FGF14: variants seen among roughly 807,000 people sequenced by gnomAD.
FGF14 encodes the protein fibroblast growth factor homologous factor 4.
In FGF14, 5 loss-of-function variants were observed where a neutral mutation model predicts 25.5. The ratio of observed to expected loss-of-function variants is 0.20; its 90% confidence interval spans 0.10 to 0.41. The LOEUF is 0.41. FGF14 is among the 10% of genes least tolerant of loss of function. The pLI, the probability that FGF14 is intolerant of heterozygous loss-of-function variation, is 1.00. For missense variants in FGF14, 222 were observed against 320.1 expected (o/e 0.69, Z 2.34); for synonymous variants, 138 against 118.3 (o/e 1.17, Z -1.08).
intron 3 of FGF14, among the ~76,000 whole-genome samples, chr13:101,821,090 A>G (rs1450135142): frequency 6.7e-6 from 1 of 148,780 alleles, no homozygotes; most frequent in Non-Finnish European, 1.5e-5. Context: ...CTGGGAGTAC[A>G]GGCGCCCGCT....
chr13:101,990,920 G>A (rs537775729), intron 1 of FGF14, among the ~76,000 whole-genome samples: 2 of 152,172 alleles, frequency 1.3e-5, no homozygotes, highest in South Asian at 4.1e-4. Context: ...GGTAATTTAA[G>A]TAAAATCGAC....
intron 1 of FGF14, among the ~76,000 whole-genome samples, chr13:102,006,823 C>T (rs1051245823): frequency 2.2e-5 from 3 of 138,772 alleles, no homozygotes; most frequent in African/African-American, 5.4e-5. Flanking sequence ...CGGCTCACTG[C>T]AAGCTCCGCT....
At chr13:102,149,517 T>A (rs2046991138) in intron 1 of FGF14, among the ~76,000 whole-genome samples, 1 of 152,286 alleles carries the variant, frequency 6.6e-6, no homozygotes, top group East Asian at 1.9e-4. Flanking sequence ...TCCGACCTGA[T>A]ATACACAGAG....
intron 3 of FGF14, among the ~76,000 whole-genome samples, chr13:101,738,311 T>C (rs1431357868): frequency 1.3e-5 from 2 of 152,150 alleles, no homozygotes; most frequent in African/African-American, 4.8e-5. Context: ...TTTAATTTTT[T>C]CCCCAGGGCA....
intron 1 of FGF14, among the ~76,000 whole-genome samples, chr13:102,115,791 C>T (rs963199746): frequency 4.4e-4 from 63 of 142,066 alleles, no homozygotes; most frequent in African/African-American, 1.4e-3. Flanking sequence ...CACGATTTAC[C>T]CATGTAACAA....
chr13:102,161,635 AAGAAGAAGAAGAAGAAG>A (rs2047716801), intron 1 of FGF14, among the ~76,000 whole-genome samples: 6 of 11,402 alleles, frequency 5.3e-4, no homozygotes, highest in Non-Finnish European at 7.6e-4. Context: ...GAAGAAGAAG[AAGAAGAAGAAGAAGAAG>A]AAGAAGAAGA....
At chr13:101,830,091 T>G (rs1017214968) in intron 3 of FGF14, among the ~76,000 whole-genome samples, 1 of 152,072 alleles carries the variant, frequency 6.6e-6, no homozygotes, top group African/African-American at 2.4e-5. Flanking sequence ...ATGTAAAATG[T>G]ATGTAACAGG....
In FGF14 at chr13:101,711,684, G is replaced by A. The variant is rs2034473460; in HGVS notation, c.*11147C>T. The A allele has an allele frequency of 6.6e-6, 1 of 152,104 alleles. No individual in the cohort carries two copies. Among genetic ancestry groups the A allele is most frequent in the Non-Finnish European group, 1.5e-5 (1 of 68,024 alleles). The allele number at this position is 152,104 out of a possible 1,614,324, so 9.4% of individuals were successfully genotyped here. A position where few individuals can be genotyped will look rare whatever the true frequency, so the allele number is the denominator to read the frequency against. ...TCTCTCTTCCATTCTCATCTTTGAA[G>A]GTAAAATTTCATTTCTTTCCCCTTC... On this transcript the variant is annotated 3_prime_UTR_variant, in exon 5 of 5. Coordinates refer to ENST00000376143, the MANE Select transcript of FGF14 (RefSeq NM_004115.4).
intron 1 of FGF14, among the ~76,000 whole-genome samples, chr13:102,401,122 T>C (rs1289747746): frequency 6.6e-6 from 1 of 151,960 alleles, no homozygotes; most frequent in African/African-American, 2.4e-5. Context: ...TTCTTTTTCC[T>C]GGCAACTACC....
Position 102,238,944 on chromosome 13 carries a change from C to T in FGF14, c.208+162527G>A, listed in dbSNP as rs535359402. 1.5e-3 allele frequency among the ~76,000 whole-genome samples: 223 copies of T among 152,224 alleles called. 1 individual carries two copies. Among genetic ancestry groups the T allele is most frequent in the African/African-American group, 5.0e-3 (209 of 41,520 alleles). ...AAGAATAGCAGGACTGAATACAGTT[C>T]TGTACACCTATGACCTATGTTGCCT... On this transcript the variant is annotated intron_variant, in intron 1 of 4. Transcript: ENST00000376131.
chr13:102,270,299 T>C (rs1394096319), intron 1 of FGF14, among the ~76,000 whole-genome samples: 1 of 152,186 alleles, frequency 6.6e-6, no homozygotes, highest in Non-Finnish European at 1.5e-5. Flanking sequence ...AAACATAATT[T>C]TTACTCTGAT....
At chr13:101,903,104 G>C (rs1253269455) in intron 1 of FGF14, among the ~76,000 whole-genome samples, 2 of 152,028 alleles carry the variant, frequency 1.3e-5, no homozygotes, top group Non-Finnish European at 2.9e-5. Flanking sequence ...TGGCTATTTA[G>C]AAGCATGCAT....
At chr13:102,276,353 G>GTGTA (rs1269490387) in intron 1 of FGF14, among the ~76,000 whole-genome samples, 2 of 103,296 alleles carry the variant, frequency 1.9e-5, no homozygotes, top group Non-Finnish European at 3.8e-5. Context: ...GTGTGTGTGT[G>GTGTA]TATATATATA....
intron 1 of FGF14, among the ~76,000 whole-genome samples, chr13:101,912,492 C>T (rs972492493): frequency 2.6e-5 from 4 of 152,136 alleles, no homozygotes; most frequent in Non-Finnish European, 5.9e-5. Context: ...GTTCATTATA[C>T]ACCATTGTAG....
At chr13:101,995,697 G>C (rs1479287227) in intron 1 of FGF14, among the ~76,000 whole-genome samples, 1 of 152,186 alleles carries the variant, frequency 6.6e-6, no homozygotes, top group African/African-American at 2.4e-5. Flanking sequence ...GAAGAGGAGA[G>C]AAGAGCAACT....
Position 101,717,760 on chromosome 13 carries a change from G to A in FGF14, c.*5071C>T, listed in dbSNP as rs1450801454. 6.6e-6 allele frequency: 1 copy of A among 152,082 alleles called. No homozygotes were observed. The highest frequency in any genetic ancestry group is 2.4e-5 in the African/African-American group (1 of 41,426). The allele number at this position is 152,082 out of a possible 1,614,324, so 9.4% of individuals were successfully genotyped here. ...GCCATACAAAAGCAACTTAAGGGTGGATTTGGCTGGCAGCTGGGCAGTACT... is the reference window on the plus strand; with the variant it reads ...GCCATACAAAAGCAACTTAAGGGTGAATTTGGCTGGCAGCTGGGCAGTACT... On this transcript the variant is annotated 3_prime_UTR_variant, in exon 5 of 5. Transcript: ENST00000376143.
intron 1 of FGF14, among the ~76,000 whole-genome samples, chr13:102,219,347 C>T (rs2050510728): frequency 1.3e-5 from 2 of 152,136 alleles, no homozygotes; most frequent in South Asian, 4.1e-4. Flanking sequence ...GGGGCTGCTA[C>T]CTCCATGCAA....
chr13:101,740,361 A>C (rs969541219), intron 3 of FGF14, among the ~76,000 whole-genome samples: 1 of 152,176 alleles, frequency 6.6e-6, no homozygotes, highest in Non-Finnish European at 1.5e-5. Context: ...TCTGGCCAAA[A>C]TGTGAAGCCT....
intron 3 of FGF14, among the ~76,000 whole-genome samples, chr13:101,856,458 A>T (rs1216608735): frequency 6.6e-6 from 1 of 151,918 alleles, no homozygotes; most frequent in African/African-American, 2.4e-5. Context: ...AAATTATATT[A>T]CCTCTGTTGA....
Sources: allele counts gnomAD v4.1 joint callset (sites outside exome capture counted in the v4.1 genomes callset), GRCh38; gene constraint gnomAD v4.1.1; transcripts MANE v1.5; gene names NCBI Gene and HGNC (gene_info 2026-07-23, HGNC 2026-07-21).